Variants in SIPA1L2 observed in about 807,000 individuals in gnomAD.
The protein encoded by SIPA1L2 is signal induced proliferation associated 1 like 2, also known as signal-induced proliferation-associated 1-like protein 2.
In SIPA1L2, 56 loss-of-function variants were observed where a neutral mutation model predicts 163.9. That is an observed-to-expected ratio of 0.34 (90% confidence interval 0.28 to 0.43). SIPA1L2 has a LOEUF of 0.43. Ranked by LOEUF, SIPA1L2 falls within the 20% of genes least tolerant of loss-of-function variation. The probability of loss-of-function intolerance (pLI) is 1.00; values close to 1 mark genes in which losing one functional copy is unlikely to be tolerated. For missense variants in SIPA1L2, 1,974 were observed against 2,193.5 expected (o/e 0.90, Z 2.00); for synonymous variants, 877 against 865.7 (o/e 1.01, Z -0.23).
intron 1 of SIPA1L2, among the ~76,000 whole-genome samples, chr1:232,620,180 G>C (rs1662729074): frequency 6.6e-6 from 1 of 152,206 alleles, no homozygotes; most frequent in South Asian, 2.1e-4. Flanking sequence ...ACCACGCCCG[G>C]CCAGATTTTT....
At chr1:232,553,522 T>C (rs1350701127) in intron 2 of SIPA1L2, among the ~76,000 whole-genome samples, 1 of 152,190 alleles carries the variant, frequency 6.6e-6, no homozygotes, top group Non-Finnish European at 1.5e-5. Context: ...TTTCCCTGTT[T>C]CCTGTCTCTT....
chr1:232,400,568 T>TA (rs1337251569), intron 22 of SIPA1L2, among the ~76,000 whole-genome samples: 6 of 152,048 alleles, frequency 3.9e-5, no homozygotes, highest in Admixed American at 3.3e-4. Flanking sequence ...CCAGCTCCTC[T>TA]AAAAAACGTG....
intron 3 of SIPA1L2, among the ~76,000 whole-genome samples, chr1:232,512,027 C>T (rs1324591461): frequency 6.6e-6 from 1 of 152,130 alleles, no homozygotes; most frequent in African/African-American, 2.4e-5. Flanking sequence ...AACAAATTTA[C>T]AAGAACAAAA....
intron 19 of SIPA1L2, among the ~76,000 whole-genome samples, chr1:232,414,261 G>A (rs897151603): frequency 1.3e-5 from 2 of 152,176 alleles, no homozygotes; most frequent in East Asian, 3.9e-4. Context: ...CTTCCCCTGT[G>A]TCCACTTGAG....
intron 1 of SIPA1L2, among the ~76,000 whole-genome samples, chr1:232,620,750 T>G (rs1302214306): frequency 6.6e-6 from 1 of 152,246 alleles, no homozygotes; most frequent in Non-Finnish European, 1.5e-5. Flanking sequence ...TCCTGCTTTC[T>G]CTACCAGGGA....
At position 232,599,635 on chromosome 1, in the gene SIPA1L2, C is replaced by T. The variant is rs141832080; in HGVS notation, c.-318-25413G>A. On this transcript the variant is annotated intron_variant, in intron 1 of 22. Coordinates refer to ENST00000674635, the MANE Select transcript of SIPA1L2 (RefSeq NM_020808.5). ...GTGAGTTTTGGTGAGAGCGGCTACA[C>T]GGTGGGGTAGAACTACCCTCTAAGA... 9.7e-4 allele frequency among the ~76,000 whole-genome samples: 147 copies of T among 152,274 alleles called. 2 individuals carry two copies. The highest frequency in any genetic ancestry group is 3.3e-3 in the African/African-American group (139 of 41,542).
intron 1 of SIPA1L2, among the ~76,000 whole-genome samples, chr1:232,614,389 G>C (rs1241991727): frequency 1.3e-5 from 2 of 152,196 alleles, no homozygotes; most frequent in Non-Finnish European, 2.9e-5. Context: ...TTCAGATAGA[G>C]TAGAAACACC....
At chr1:232,441,993 G>A in intron 12 of SIPA1L2, 125 bp from the exon 13 acceptor site, 1 of 722,206 alleles carries the variant, frequency 1.4e-6, no homozygotes, top group East Asian at 2.9e-5. Flanking sequence ...TGGTTTTCTG[G>A]CAAATGAAAA....
At chr1:232,455,165 G>T (rs1428018840) in intron 10 of SIPA1L2, among the ~76,000 whole-genome samples, 2 of 152,182 alleles carry the variant, frequency 1.3e-5, no homozygotes, top group African/African-American at 2.4e-5. Flanking sequence ...TTGTACTTTA[G>T]GTTACCTTTG....
chr1:232,545,824 A>T (rs971031933), intron 2 of SIPA1L2, among the ~76,000 whole-genome samples: 3 of 152,250 alleles, frequency 2.0e-5, no homozygotes, highest in Admixed American at 1.3e-4. Context: ...TAATGTATTA[A>T]TAACTTTCCC....
At chr1:232,597,713 A>AG (rs945285348) in intron 1 of SIPA1L2, among the ~76,000 whole-genome samples, 5 of 134,280 alleles carry the variant, frequency 3.7e-5, no homozygotes, top group African/African-American at 8.4e-5. Flanking sequence ...AAAAAAAAAA[A>AG]AAGTAACAAG....
chr1:232,459,288 C>T (rs530646644), intron 10 of SIPA1L2, among the ~76,000 whole-genome samples: 11 of 152,166 alleles, frequency 7.2e-5, no homozygotes, highest in African/African-American at 2.7e-4. Context: ...ACGTAATAGC[C>T]ACATGTGGTT....
At chr1:232,535,216 G>A (rs1285724851) in intron 2 of SIPA1L2, among the ~76,000 whole-genome samples, 1 of 152,166 alleles carries the variant, frequency 6.6e-6, no homozygotes, top group Non-Finnish European at 1.5e-5. Context: ...GAGAAAGTAC[G>A]CGTATGCCTA....
At chr1:232,492,454 T>A (rs1665980563) in intron 4 of SIPA1L2, among the ~76,000 whole-genome samples, 1 of 152,124 alleles carries the variant, frequency 6.6e-6, no homozygotes, top group Non-Finnish European at 1.5e-5. Context: ...CAAGCCATGC[T>A]CTCACCCCAG....
intron 10 of SIPA1L2, among the ~76,000 whole-genome samples, chr1:232,448,032 G>A (rs1368740737): frequency 6.6e-6 from 1 of 152,164 alleles, no homozygotes; most frequent in East Asian, 1.9e-4. Context: ...GTCAGGTGTG[G>A]CTTTTAGTTA....
chr1:232,552,668 C>A (rs1007733691), intron 2 of SIPA1L2, among the ~76,000 whole-genome samples: 2 of 152,004 alleles, frequency 1.3e-5, no homozygotes, highest in Non-Finnish European at 2.9e-5. Flanking sequence ...CCACACACAG[C>A]CAATAAGTAT....
At chr1:232,442,111 G>C (rs1440491636) in intron 12 of SIPA1L2, among the ~76,000 whole-genome samples, 1 of 152,152 alleles carries the variant, frequency 6.6e-6, no homozygotes, top group Non-Finnish European at 1.5e-5. Context: ...GCCATTTACA[G>C]ATAAAGAAGG....
chr1:232,576,141 G>A (rs1340866497), intron 1 of SIPA1L2, among the ~76,000 whole-genome samples: 1 of 152,190 alleles, frequency 6.6e-6, no homozygotes, highest in Non-Finnish European at 1.5e-5. Context: ...GTCTAGTACC[G>A]TCAGGGACTC....
chr1:232,603,292 G>A lies in SIPA1L2; in HGVS notation c.-319+26577C>T, dbSNP rs555722947. The stretch of plus-strand genomic sequence containing the variant: ...ACTAGGGACAGCTGGAGAAAGGCCA[G>A]ACAGGTAAAGATCTGGAGGTCTCCT... On this transcript the variant is annotated intron_variant, in intron 1 of 22. Transcript: ENST00000674635. 3.5e-4 allele frequency among the ~76,000 whole-genome samples: 54 copies of A among 152,322 alleles called. 2 individuals carry two copies. In the South Asian group the frequency reaches 0.011, roughly 30 times the overall value.
Sources: gnomAD v4.1 joint callset for allele counts (sites outside exome capture counted in the v4.1 genomes callset) on GRCh38, gnomAD v4.1.1 for gene constraint, MANE v1.5 for transcripts, NCBI Gene and HGNC (gene_info 2026-07-23, HGNC 2026-07-21) for gene names.